Variants in EXTL3 observed in about 807,000 individuals in gnomAD.
EXTL3 encodes exostosin like glycosyltransferase 3.
In EXTL3, 27 loss-of-function variants were observed where a neutral mutation model predicts 69.3. The ratio of observed to expected loss-of-function variants is 0.39; its 90% CI spans 0.29 to 0.54. The LOEUF (loss-of-function observed/expected upper bound fraction) is 0.54. Ranked by LOEUF, EXTL3 falls within the 20% of genes least tolerant of loss-of-function variation. The pLI is 0.69. For synonymous variants in EXTL3, 511 were observed against 499.4 expected (o/e 1.02, Z -0.31); for missense variants, 1,003 against 1,231.8 (o/e 0.81, Z 2.78).
intron 3 of EXTL3, among the ~76,000 whole-genome samples, chr8:28,720,853 C>G (rs1275079118): frequency 6.6e-6 from 1 of 152,298 alleles, no homozygotes; most frequent in African/African-American, 2.4e-5. Context: ...AGCATAACAA[C>G]AAAGATATCT....
upstream of EXTL3, among the ~76,000 whole-genome samples, chr8:28,620,108 A>C (rs28689777): frequency 0.15 from 22,140 of 151,132 alleles, 4,585 homozygotes; most frequent in African/African-American, 0.46. Flanking sequence ...CTCTTGACCT[A>C]GTGATCTGCC....
intron 1 of EXTL3, among the ~76,000 whole-genome samples, chr8:28,692,777 G>A (rs1800633439): frequency 6.6e-6 from 1 of 152,142 alleles, no homozygotes; most frequent in African/African-American, 2.4e-5. Context: ...TTGATTTTTT[G>A]AATCTATGAA....
intron 1 of EXTL3, among the ~76,000 whole-genome samples, chr8:28,676,044 A>C (rs1807377513): frequency 6.8e-6 from 1 of 146,824 alleles, no homozygotes; most frequent in Admixed American, 6.9e-5. Flanking sequence ...AAAAAGAAGA[A>C]AAAAGGAAGT....
intron 1 of EXTL3, among the ~76,000 whole-genome samples, chr8:28,673,090 A>G (rs1457751004): frequency 6.6e-6 from 1 of 152,210 alleles, no homozygotes; most frequent in African/African-American, 2.4e-5. Context: ...TTCTTTATAA[A>G]TTACCCAGTC....
intron 3 of EXTL3, among the ~76,000 whole-genome samples, chr8:28,722,108 C>A (rs1801302774): frequency 6.6e-6 from 1 of 152,068 alleles, no homozygotes; most frequent in South Asian, 2.1e-4. Flanking sequence ...AGAGAGGAGG[C>A]CATGTAAATT....
chr8:28,693,617 C>T (rs1237031751), intron 1 of EXTL3, among the ~76,000 whole-genome samples: 8 of 152,122 alleles, frequency 5.3e-5, no homozygotes, highest in African/African-American at 1.9e-4. Context: ...CTGATATTAA[C>T]TCAGTGTTGC....
chr8:28,629,164 C>T (rs1806536854), intron 1 of EXTL3, among the ~76,000 whole-genome samples: 1 of 141,132 alleles, frequency 7.1e-6, no homozygotes, highest in African/African-American at 2.6e-5. Flanking sequence ...CCACCCCCAC[C>T]CTCCAATTCC....
intron 1 of EXTL3, among the ~76,000 whole-genome samples, chr8:28,651,836 C>T (rs1269363035): frequency 6.6e-6 from 1 of 152,192 alleles, no homozygotes; most frequent in Non-Finnish European, 1.5e-5. Context: ...ACTCCCAATT[C>T]CTTTCTCCTC....
intron 6 of EXTL3, among the ~76,000 whole-genome samples, chr8:28,745,845 A>G (rs1383068624): frequency 6.6e-6 from 1 of 152,238 alleles, no homozygotes; most frequent in Non-Finnish European, 1.5e-5. Context: ...GACATGGTGC[A>G]CATGATTCTT....
chr8:28,685,231 T>G (rs1454876781), intron 1 of EXTL3, among the ~76,000 whole-genome samples: 2 of 152,132 alleles, frequency 1.3e-5, no homozygotes, highest in Non-Finnish European at 2.9e-5. Flanking sequence ...ATTACAGGCG[T>G]GAGCCACCAT....
At chr8:28,690,854 A>G (rs996904032) in intron 1 of EXTL3, among the ~76,000 whole-genome samples, 1 of 152,160 alleles carries the variant, frequency 6.6e-6, no homozygotes, top group Non-Finnish European at 1.5e-5. Context: ...CATTGGCCAC[A>G]CAGATGGATC....
At chr8:28,721,038 T>G (rs1279663999) in intron 3 of EXTL3, among the ~76,000 whole-genome samples, 1 of 152,226 alleles carries the variant, frequency 6.6e-6, no homozygotes, top group Non-Finnish European at 1.5e-5. Context: ...TTTTGTTTCC[T>G]TATATGTAAG....
chr8:28,717,596 C>A lies in EXTL3; in HGVS notation c.1537C>A (p.Arg513Ser). The change falls in exon 3 of 7, where the codon CGC becomes AGC. Residue 513 changes from arginine (R) to serine (S), a missense_variant. This residue lies in a region of EXTL3 where 742 missense variants were observed against 815.4 expected (regional missense o/e 0.91). Transcript: ENST00000220562. This position sits in a 1 kb window ranked among gnomAD's most constrained non-coding sequence, Gnocchi z 8.3. ...CCTCCTGGCTATGAGGCGGCAAGGC[C>A]GCTTTCTCTGGGAGACTTACTTCTC... ...SDLLAMRRQG[R>S]FLWETYFSTA... 1 of 1,614,228 alleles carries A rather than the reference C, an allele frequency of 6.2e-7. No individual in the cohort carries two copies. The highest frequency in any genetic ancestry group is 8.5e-7 in the Non-Finnish European group (1 of 1,180,044).
intron 1 of EXTL3, among the ~76,000 whole-genome samples, chr8:28,689,362 A>G (rs1563205098): frequency 6.6e-6 from 1 of 151,950 alleles, no homozygotes; most frequent in African/African-American, 2.4e-5. Context: ...AGCCTCCCAC[A>G]CTGTTATTTG....
chr8:28,743,116 C>G lies in EXTL3; in HGVS notation c.2452C>G (p.Pro818Ala). The G allele has an allele frequency of 1.2e-6, 2 of 1,614,028 alleles. No homozygotes were observed. Among genetic ancestry groups the G allele is most frequent in the Non-Finnish European group, 1.7e-6 (2 of 1,179,910 alleles). The change falls in exon 6 of 7, where the codon CCC becomes GCC. Residue 818 changes from proline (P) to alanine (A), a missense_variant. Pro to Ala is a conservative substitution (Grantham distance 27, BLOSUM62 -1). This residue lies in a region of EXTL3 where 261 missense variants were observed against 416.4 expected (regional missense o/e 0.63). Transcript: ENST00000220562. ...TGCCTACCTGTATTCTTATGTGATG[C>G]CCCAGGCCATCCGGGACATGGTGGA... ...YYAYLYSYVM[P>A]QAIRDMVDEY...
At position 28,716,076 on chromosome 8, in the gene EXTL3, T is replaced by C. The variant is rs1347702717; in HGVS notation, c.17T>C (p.Met6Thr). The change falls in exon 3 of 7, where the codon ATG becomes ACG. Residue 6 changes from methionine (M) to threonine (T), a missense_variant. Physicochemically the swap from Met to Thr is moderately conservative, Grantham distance 81. This residue lies in a region of EXTL3 where 742 missense variants were observed against 815.4 expected (regional missense o/e 0.91). Coordinates refer to ENST00000220562, the MANE Select transcript of EXTL3 (RefSeq NM_001440.4). The surrounding 1 kb of genome is among the most constrained non-coding windows in gnomAD (Gnocchi z 7.1). ...AGAGGACTCATGACAGGCTATACCATGCTGCGGAATGGGGGCGCGGGGAAC... is the reference window on the plus strand; with the variant it reads ...AGAGGACTCATGACAGGCTATACCACGCTGCGGAATGGGGGCGCGGGGAAC... MTGYT[M>T]LRNGGAGNGG... 4 of 1,608,824 alleles carry C rather than the reference T, an allele frequency of 2.5e-6. No individual in the cohort carries two copies. In the Admixed American group the frequency reaches 5.0e-5, roughly 20 times the overall value.
rs371193704 is a variant in EXTL3 at position 28,721,697 on chromosome 8, A to G, written c.2148+3490A>G. Among the ~76,000 whole-genome samples the G allele has an allele frequency of 2.6e-5, 4 of 152,346 alleles. No individual in the cohort carries two copies. The South Asian group carries it at 8.3e-4, about 32-fold the overall frequency. ...TTACTGAACTCTTCTGGAGGCAGAA[A>G]TGCCAAGTAATCCCTTCTTGATAGA... On this transcript the variant is annotated intron_variant, in intron 3 of 6. Coordinates refer to ENST00000220562, the MANE Select transcript of EXTL3 (RefSeq NM_001440.4).
At chr8:28,742,970 A>G (rs1412413114) in intron 5 of EXTL3, 116 bp from the exon 6 acceptor site, 11 of 1,100,716 alleles carry the variant, frequency 1.0e-5, no homozygotes, top group Admixed American at 3.4e-5. Context: ...AGTGCCAGTA[A>G]TACCTCCTAG....
In EXTL3 at chr8:28,673,056, G is replaced by A. The variant is rs1366101857; in HGVS notation, c.-52-40401G>A. 5.3e-5 allele frequency among the ~76,000 whole-genome samples: 8 copies of A among 152,336 alleles called. 1 individual carries two copies. Among genetic ancestry groups the A allele is most frequent in the Middle Eastern group, 3.4e-3 (1 of 294 alleles). On this transcript the variant is annotated intron_variant, in intron 1 of 6. Coordinates refer to the EXTL3 transcript ENST00000523149. ...ATTGTGAGGCCTCCTCAGCCACATGGAACTGTGAGTCCATTAAACCTCTTT... is the reference window on the plus strand; with the variant it reads ...ATTGTGAGGCCTCCTCAGCCACATGAAACTGTGAGTCCATTAAACCTCTTT...
Sources: allele counts gnomAD v4.1 joint callset (sites outside exome capture counted in the v4.1 genomes callset), GRCh38; gene constraint gnomAD v4.1.1; regional missense constraint gnomAD v4.1.1; non-coding constraint Gnocchi (gnomAD v3.1); transcripts MANE v1.5; gene names NCBI Gene and HGNC (gene_info 2026-07-23, HGNC 2026-07-21).